The following C3orf52 variants were observed in gnomAD, a reference collection of about 807,000 sequenced individuals.
C3orf52 encodes chromosome 3 open reading frame 52, also known as TPA-induced transmembrane protein.
A neutral mutation model predicts 24.8 loss-of-function variants in C3orf52; 22 were observed. That is an observed-to-expected ratio of 0.89 (90% confidence interval 0.63 to 1.27). C3orf52 has a LOEUF of 1.27. C3orf52 is among the 50% of genes most tolerant of loss of function. The pLI, the probability that C3orf52 is intolerant of heterozygous loss-of-function variation, is 0.00. For missense variants in C3orf52, 265 were observed against 260.7 expected (o/e 1.02, Z -0.11); for synonymous variants, 93 against 100.2 (o/e 0.93, Z 0.43).
At chr3:112,095,874 G>A (rs2073921471) in intron 2 of C3orf52, among the ~76,000 whole-genome samples, 1 of 152,032 alleles carries the variant, frequency 6.6e-6, no homozygotes, top group South Asian at 2.1e-4. Flanking sequence ...AGTTCCGTAG[G>A]CATTTTTTGG....
chr3:112,092,603 A>G (rs1452217524), intron 1 of C3orf52, among the ~76,000 whole-genome samples: 2 of 152,206 alleles, frequency 1.3e-5, no homozygotes, highest in African/African-American at 2.4e-5. Context: ...GAAATGGACT[A>G]GTGCACACCC....
Position 112,116,850 on chromosome 3 carries a change from G to A in C3orf52, c.*204G>A. 1 of 1,537,504 alleles carries A rather than the reference G, an allele frequency of 6.5e-7. No individual in the cohort carries two copies. The highest frequency in any genetic ancestry group is 8.7e-7 in the Non-Finnish European group (1 of 1,146,900). On this transcript the variant is annotated 3_prime_UTR_variant, in exon 6 of 6. Transcript: ENST00000264848. ...CAGCTCCCGAGCACTGCTTCAGCTGGGTCCAGTCTTGACAAAGGCAGGAAG... is the reference window on the plus strand; with the variant it reads ...CAGCTCCCGAGCACTGCTTCAGCTGAGTCCAGTCTTGACAAAGGCAGGAAG...
chr3:112,127,718 C>T (rs551541263), intron 4 of C3orf52, among the ~76,000 whole-genome samples: 16 of 152,296 alleles, frequency 1.1e-4, no homozygotes, highest in Admixed American at 3.3e-4. Context: ...ATGTGTGCTT[C>T]GGAACATGCA....
chr3:112,132,646 G>A (rs2074485059), downstream of C3orf52: 1 of 986,896 alleles, frequency 1.0e-6, no homozygotes, highest in Non-Finnish European at 1.2e-6. Flanking sequence ...CCTGCTTGCA[G>A]GGAGTGCACA....
chr3:112,124,052 T>C (rs2074255626), intron 4 of C3orf52, among the ~76,000 whole-genome samples: 1 of 152,164 alleles, frequency 6.6e-6, no homozygotes, highest in South Asian at 2.1e-4. Flanking sequence ...CCCCTGCAAA[T>C]CTAATGTTGA....
At chr3:112,088,064 T>C (rs2073845352) in intron 1 of C3orf52, among the ~76,000 whole-genome samples, 1 of 152,232 alleles carries the variant, frequency 6.6e-6, no homozygotes, top group Non-Finnish European at 1.5e-5. Flanking sequence ...GGTTCTTTAA[T>C]GTTCTCATGA....
rs749246320 is a variant in C3orf52 at position 112,123,766 on chromosome 3, C to T, written c.*46+4204C>T. The T allele has an allele frequency of 8.7e-6, 14 of 1,607,092 alleles. No individual in the cohort carries two copies. The African/African-American group carries it at 1.2e-4, about 14-fold the overall frequency. The stretch of plus-strand genomic sequence containing the variant: ...AGCTCCTCTGAGTAGGTCTGGTCAA[C>T]ATTGTCCTGCTTGTCAAAGAAGAAC... On this transcript the variant is annotated intron_variant, in intron 4 of 4. Transcript: ENST00000480282.
intron 5 of C3orf52, among the ~76,000 whole-genome samples, chr3:112,113,642 A>G (rs1330356725): frequency 6.6e-6 from 1 of 152,244 alleles, no homozygotes; most frequent in Non-Finnish European, 1.5e-5. Context: ...ATAGAGGGGT[A>G]TACAAAGACA....
intron 3 of C3orf52, among the ~76,000 whole-genome samples, chr3:112,104,242 A>G (rs189302): frequency 0.96 from 145,463 of 152,182 alleles, 69,800 homozygotes; most frequent in Non-Finnish European, 1. Flanking sequence ...TCTGTGGAAG[A>G]TGGAAGCTCT....
intron 2 of C3orf52, among the ~76,000 whole-genome samples, chr3:112,101,206 T>G (rs1156746841): frequency 6.6e-6 from 1 of 152,220 alleles, no homozygotes; most frequent in Non-Finnish European, 1.5e-5. Flanking sequence ...GCAGTCCTAC[T>G]GATCACTATG....
intron 2 of C3orf52, among the ~76,000 whole-genome samples, chr3:112,095,789 TG>T (rs34709037): frequency 0.14 from 13,890 of 96,906 alleles, 1,184 homozygotes; most frequent in African/African-American, 0.32. Context: ...GACGTGGGGG[TG>T]GGGGGAGATA....
chr3:112,098,429 G>A (rs2073943560), intron 2 of C3orf52, among the ~76,000 whole-genome samples: 2 of 151,876 alleles, frequency 1.3e-5, no homozygotes. Flanking sequence ...CTTTTTCTTG[G>A]AGAGCTCATT....
intron 3 of C3orf52, among the ~76,000 whole-genome samples, chr3:112,107,588 G>C (rs150865207): frequency 1.3e-3 from 201 of 152,260 alleles, no homozygotes; most frequent in African/African-American, 4.6e-3. Context: ...GGGTAGTGTG[G>C]TCAGATGGGA....
chr3:112,094,006 T>A (rs907039522), intron 2 of C3orf52, among the ~76,000 whole-genome samples: 8 of 152,298 alleles, frequency 5.3e-5, no homozygotes, highest in African/African-American at 1.9e-4. Flanking sequence ...TATTTATTTT[T>A]TTTTTTGAGA....
rs1201825211 is a variant in C3orf52 at position 112,116,642 on chromosome 3, A to G, written c.650A>G (p.Glu217Gly). ...TTGTTCATCTGTGTTTTCTTTTTAGAATGAAGTGATGGAGGCTGGTCTCTG... is the reference window on the plus strand; with the variant it reads ...TTGTTCATCTGTGTTTTCTTTTTAGGATGAAGTGATGGAGGCTGGTCTCTG... ...GLDPTSLLLYE is the reference protein window; with the variant it reads ...GLDPTSLLLYG The change falls in exon 6 of 6, where the codon GAA (glutamate) becomes GGA (glycine). Residue 217 changes from glutamate to glycine, a missense_variant and splice_region_variant. Transcript: ENST00000264848. 4 of 1,569,094 alleles carry G rather than the reference A, an allele frequency of 2.5e-6. No individual in the cohort carries two copies. In the African/African-American group the frequency reaches 5.4e-5, roughly 21 times the overall value.
chr3:112,114,479 G>A (rs911405044), intron 5 of C3orf52, among the ~76,000 whole-genome samples: 1 of 151,604 alleles, frequency 6.6e-6, no homozygotes, highest in African/African-American at 2.4e-5. Flanking sequence ...CGAGGCAGTT[G>A]GATCACCTGA....
chr3:112,097,594 G>T (rs2107778281), intron 2 of C3orf52, among the ~76,000 whole-genome samples: 1 of 152,300 alleles, frequency 6.6e-6, no homozygotes. Context: ...AGTTTTCACA[G>T]GGTAATGCTC....
intron 1 of C3orf52, 138 bp from the exon 2 acceptor site, chr3:112,093,222 A>T: frequency 1.3e-6 from 1 of 780,740 alleles, no homozygotes; most frequent in Non-Finnish European, 1.9e-6. Context: ...TCTCTTTTTG[A>T]AAACTTGATT....
At chr3:112,132,724 G>A (rs900111256), downstream of C3orf52, 1 of 950,026 alleles carries the variant, frequency 1.1e-6, no homozygotes, top group Non-Finnish European at 1.3e-6. Flanking sequence ...GGCTGAAAGA[G>A]GGTGGTGATT....
Sources: allele counts gnomAD v4.1 joint callset (sites outside exome capture counted in the v4.1 genomes callset), GRCh38; gene constraint gnomAD v4.1.1; transcripts MANE v1.5; gene names NCBI Gene and HGNC (gene_info 2026-07-23, HGNC 2026-07-21).